Variants in ACSS3 observed in about 807,000 individuals in gnomAD.
ACSS3 encodes the protein acyl-CoA synthetase short chain family member 3.
In ACSS3, 64 loss-of-function variants were observed where a neutral mutation model predicts 84.2. The ratio of observed to expected loss-of-function variants is 0.76; its 90% CI spans 0.62 to 0.94. ACSS3 has a LOEUF of 0.94. Among genes scored for constraint, ACSS3 ranks in the 40% least tolerant of loss-of-function variants. The pLI, the probability that ACSS3 is intolerant of heterozygous loss-of-function variation, is 0.00. For synonymous variants in ACSS3, 317 were observed against 310.1 expected, an observed-to-expected ratio of 1.02 and a Z score of -0.23; for missense variants, 815 against 867.6, an observed-to-expected ratio of 0.94 and a Z score of 0.76.
chr12:81,083,477 C>T (rs1283664599), intron 1 of ACSS3, among the ~76,000 whole-genome samples: 1 of 151,846 alleles, frequency 6.6e-6, no homozygotes, highest in Non-Finnish European at 1.5e-5. Flanking sequence ...CCTGCCTCAG[C>T]CTCCCAAGTA....
intron 2 of ACSS3, among the ~76,000 whole-genome samples, chr12:81,132,746 A>G (rs997471959): frequency 2.0e-5 from 3 of 152,084 alleles, no homozygotes; most frequent in Non-Finnish European, 4.4e-5. Context: ...TTACTGAATT[A>G]TTGGTAGTGT....
chr12:81,099,718 C>T (rs1882351764), intron 1 of ACSS3, among the ~76,000 whole-genome samples: 1 of 151,220 alleles, frequency 6.6e-6, no homozygotes, highest in South Asian at 2.1e-4. Context: ...TGAAAGAAGA[C>T]TTTTTTTTTC....
At chr12:81,155,561 C>A (rs1480581563) in intron 7 of ACSS3, among the ~76,000 whole-genome samples, 2 of 152,234 alleles carry the variant, frequency 1.3e-5, no homozygotes, top group Non-Finnish European at 2.9e-5. Context: ...TGCAGTAATG[C>A]AAACTGAGAA....
chr12:81,250,111 T>C (rs893862799), intron 13 of ACSS3, among the ~76,000 whole-genome samples: 1 of 152,116 alleles, frequency 6.6e-6, no homozygotes, highest in Admixed American at 6.6e-5. Context: ...TAGATTTTAT[T>C]TGGAGGGAAT....
chr12:81,239,056 A>G (rs571172434), intron 13 of ACSS3, among the ~76,000 whole-genome samples: 50 of 151,978 alleles, frequency 3.3e-4, no homozygotes, highest in African/African-American at 1.2e-3. Context: ...GTTATATTAT[A>G]ATTTTCATTT....
chr12:81,137,221 A>C (rs1885851019), intron 3 of ACSS3, among the ~76,000 whole-genome samples: 3 of 151,762 alleles, frequency 2.0e-5, no homozygotes, highest in African/African-American at 7.3e-5. Context: ...CCTGCAAAAG[A>C]AACTGTAAAA....
At chr12:81,254,360 T>C (rs2034243519) in intron 15 of ACSS3, among the ~76,000 whole-genome samples, 1 of 152,208 alleles carries the variant, frequency 6.6e-6, no homozygotes, top group Non-Finnish European at 1.5e-5. Context: ...GAAAGCAAAA[T>C]AATTGAGGCT....
At chr12:81,221,953 C>T (rs752729399) in intron 11 of ACSS3, among the ~76,000 whole-genome samples, 5 of 152,056 alleles carry the variant, frequency 3.3e-5, no homozygotes, top group Non-Finnish European at 4.4e-5. Flanking sequence ...TTAAACTCCT[C>T]ATGGGTTTTG....
chr12:81,082,736 C>T (rs1263714851), intron 1 of ACSS3, among the ~76,000 whole-genome samples: 1 of 152,086 alleles, frequency 6.6e-6, no homozygotes, highest in East Asian at 1.9e-4. Flanking sequence ...ATTTCCTATT[C>T]CTTCTTCTTC....
chr12:81,104,135 C>T (rs144187035), intron 1 of ACSS3, among the ~76,000 whole-genome samples: 34 of 152,142 alleles, frequency 2.2e-4, no homozygotes, highest in African/African-American at 8.0e-4. Context: ...AAAGGTAGAG[C>T]GAAGGTCAAC....
chr12:81,233,540 G>T lies in ACSS3; in HGVS notation c.1719+69G>T, dbSNP rs1468802733. On this transcript the variant is annotated intron_variant, in intron 13 of 15. Transcript: ENST00000548058. Reference sequence around the variant, plus strand: ...ACAGAGCTGCACTGAAGACAATATTGAGGTTATTTCACTTGGAAAATTACC... The same window carrying T: ...ACAGAGCTGCACTGAAGACAATATTTAGGTTATTTCACTTGGAAAATTACC... 1.1e-5 allele frequency: 17 copies of T among 1,564,438 alleles called. No homozygotes were observed. In the East Asian group the frequency reaches 3.6e-4, roughly 33 times the overall value.
At chr12:81,137,768 T>G (rs2121571335) in intron 3 of ACSS3, among the ~76,000 whole-genome samples, 1 of 152,238 alleles carries the variant, frequency 6.6e-6, no homozygotes, top group South Asian at 2.1e-4. Flanking sequence ...TTCAGAATTC[T>G]AAGGAATGCT....
intron 7 of ACSS3, among the ~76,000 whole-genome samples, chr12:81,160,329 T>C (rs1217317712): frequency 6.6e-6 from 1 of 152,228 alleles, no homozygotes; most frequent in African/African-American, 2.4e-5. Flanking sequence ...GTTTACTAGA[T>C]TAGCAAGGGC....
Position 81,106,341 on chromosome 12 carries a change from G to C in ACSS3, c.312-3219G>C, listed in dbSNP as rs185816830. ...TCCTTATGAGAATCTAATGCCTGATGATTTGTCGCTGTCTTCCATCACCCC... is the reference window on the plus strand; with the variant it reads ...TCCTTATGAGAATCTAATGCCTGATCATTTGTCGCTGTCTTCCATCACCCC... On this transcript the variant is annotated intron_variant, in intron 1 of 15. Transcript: ENST00000548058. Among the ~76,000 whole-genome samples the C allele has an allele frequency of 2.2e-3, 328 of 152,328 alleles. 2 individuals are homozygous for C. The highest frequency in any genetic ancestry group is 4.7e-3 in the Admixed American group (72 of 15,294).
At chr12:81,230,003 T>C (rs980476293) in intron 11 of ACSS3, among the ~76,000 whole-genome samples, 1 of 151,882 alleles carries the variant, frequency 6.6e-6, no homozygotes, top group African/African-American at 2.4e-5. Flanking sequence ...CACACTGCTT[T>C]CTTTTGTACT....
chr12:81,141,228 A>T (rs1282770974), intron 4 of ACSS3, among the ~76,000 whole-genome samples: 1 of 152,030 alleles, frequency 6.6e-6, no homozygotes, highest in Non-Finnish European at 1.5e-5. Context: ...CCTTTCCTCT[A>T]TTGTGATATA....
chr12:81,109,525 C>T (rs750511872), intron 1 of ACSS3, 35 bp from the exon 2 acceptor site: 12 of 1,585,270 alleles, frequency 7.6e-6, no homozygotes, highest in African/African-American at 1.4e-5. Context: ...ATTTTTAAAG[C>T]CATCATTCAC....
At chr12:81,163,832 G>T (rs2135790173) in intron 7 of ACSS3, among the ~76,000 whole-genome samples, 1 of 152,222 alleles carries the variant, frequency 6.6e-6, no homozygotes, top group East Asian at 1.9e-4. Context: ...TGTAAACAAA[G>T]AAAATAATTT....
intron 1 of ACSS3, among the ~76,000 whole-genome samples, chr12:81,093,014 GT>G (rs5799516): frequency 0.54 from 82,432 of 151,494 alleles, 23,294 homozygotes; most frequent in East Asian, 0.72. Flanking sequence ...TGTGTTTAAG[GT>G]TTTTTTTTGG....
Sources: allele counts gnomAD v4.1 joint callset (sites outside exome capture counted in the v4.1 genomes callset), GRCh38; gene constraint gnomAD v4.1.1; transcripts MANE v1.5; gene names NCBI Gene and HGNC (gene_info 2026-07-23, HGNC 2026-07-21).